PCDH15: variants seen among roughly 807,000 people sequenced by gnomAD.
PCDH15 encodes protocadherin related 15, also known as protocadherin-15.
Under a neutral mutation model 178.5 loss-of-function variants are expected in PCDH15, and 129 were observed. The ratio of observed to expected loss-of-function variants is 0.72; its 90% confidence interval spans 0.63 to 0.84. PCDH15 has a LOEUF of 0.84. PCDH15 is among the 40% of genes least tolerant of loss of function. The probability of loss-of-function intolerance (pLI) is 0.00; values close to 1 mark genes in which losing one functional copy is unlikely to be tolerated. For synonymous variants in PCDH15, 800 were observed against 732.0 expected, an observed-to-expected ratio of 1.09 and a Z score of -1.50; for missense variants, 2,230 against 2,099.9, an observed-to-expected ratio of 1.06 and a Z score of -1.21.
chr10:55,116,734 T>C (rs1050832958), intron 2 of PCDH15, among the ~76,000 whole-genome samples: 2 of 152,102 alleles, frequency 1.3e-5, no homozygotes, highest in Non-Finnish European at 2.9e-5. Context: ...ACGTGGGCAT[T>C]TGAAGAAACA....
chr10:54,708,902 G>GA (rs1300903282), intron 1 of PCDH15, among the ~76,000 whole-genome samples: 1 of 151,664 alleles, frequency 6.6e-6, no homozygotes, highest in Non-Finnish European at 1.5e-5. Context: ...AATGATCTCT[G>GA]AAAAAAAGGA....
At chr10:54,539,615 C>T (rs1030388994) in intron 2 of PCDH15, among the ~76,000 whole-genome samples, 1 of 152,194 alleles carries the variant, frequency 6.6e-6, no homozygotes, top group African/African-American at 2.4e-5. Context: ...AAATTTGACA[C>T]TTGACAAATT....
At chr10:54,929,808 A>G (rs74904816) in intron 2 of PCDH15, among the ~76,000 whole-genome samples, 6 of 152,344 alleles carry the variant, frequency 3.9e-5, no homozygotes, top group South Asian at 2.1e-4. Flanking sequence ...AGGAATTCAC[A>G]GTTCTCAACA....
chr10:54,008,430 A>G (rs534614696), intron 20 of PCDH15, among the ~76,000 whole-genome samples: 3 of 152,270 alleles, frequency 2.0e-5, no homozygotes, highest in Non-Finnish European at 4.4e-5. Context: ...CAACATTAAG[A>G]ACTTTTTTAA....
chr10:55,569,242 A>G (rs1345391731), intron 2 of PCDH15, among the ~76,000 whole-genome samples: 1 of 152,086 alleles, frequency 6.6e-6, no homozygotes, highest in Non-Finnish European at 1.5e-5. Flanking sequence ...CCATGAAGAT[A>G]TTAAAATTAC....
chr10:55,183,694 G>A (rs1331556525), intron 1 of PCDH15, among the ~76,000 whole-genome samples: 1 of 149,420 alleles, frequency 6.7e-6, no homozygotes, highest in Non-Finnish European at 1.5e-5. Context: ...TTTTCTAATT[G>A]AAAAAGAATG....
intron 2 of PCDH15, chr10:54,600,436 G>T: frequency 1.7e-6 from 1 of 578,676 alleles, no homozygotes; most frequent in Non-Finnish European, 3.4e-6. Flanking sequence ...CAATGACCTA[G>T]ACTTAAGCCC....
intron 1 of PCDH15, among the ~76,000 whole-genome samples, chr10:54,786,649 G>C (rs1200549853): frequency 6.6e-6 from 1 of 151,902 alleles, no homozygotes; most frequent in Non-Finnish European, 1.5e-5. Flanking sequence ...TATTAAAGCA[G>C]AATTTTAAAT....
intron 1 of PCDH15, among the ~76,000 whole-genome samples, chr10:55,305,135 A>G (rs1443960945): frequency 2.0e-5 from 3 of 152,200 alleles, no homozygotes; most frequent in Admixed American, 2.0e-4. Context: ...ATTCTGATCT[A>G]TCTATCCCTT....
At chr10:54,517,387 CA>C (rs1283869440) in intron 3 of PCDH15, among the ~76,000 whole-genome samples, 2 of 150,910 alleles carry the variant, frequency 1.3e-5, no homozygotes, top group Non-Finnish European at 3.0e-5. Context: ...AAAAGGAAAA[CA>C]AAAAACGGCA....
chr10:54,228,123 C>A (rs564848357), intron 9 of PCDH15, among the ~76,000 whole-genome samples: 73 of 152,116 alleles, frequency 4.8e-4, no homozygotes, highest in Admixed American at 2.2e-3. Flanking sequence ...AGCAACACCC[C>A]ACTCCTGTTA....
At chr10:55,134,470 C>A (rs1291970830) in intron 2 of PCDH15, among the ~76,000 whole-genome samples, 1 of 152,146 alleles carries the variant, frequency 6.6e-6, no homozygotes, top group Non-Finnish European at 1.5e-5. Context: ...CTGGTGATAT[C>A]TGTTATGGCT....
intron 1 of PCDH15, among the ~76,000 whole-genome samples, chr10:55,242,330 T>C (rs1427862411): frequency 6.6e-6 from 1 of 152,100 alleles, no homozygotes; most frequent in Non-Finnish European, 1.5e-5. Context: ...CCAACTATAA[T>C]ACTGTGTGTA....
intron 7 of PCDH15, among the ~76,000 whole-genome samples, chr10:54,319,088 G>A (rs1223016354): frequency 6.6e-6 from 1 of 152,134 alleles, no homozygotes; most frequent in Non-Finnish European, 1.5e-5. Context: ...TGTCAAGGGT[G>A]GTGGTGGTAG....
intron 2 of PCDH15, among the ~76,000 whole-genome samples, chr10:55,080,743 C>T (rs1232049080): frequency 6.6e-6 from 1 of 152,100 alleles, no homozygotes; most frequent in Non-Finnish European, 1.5e-5. Flanking sequence ...CTGGCAGCAT[C>T]AACAGCATTA....
At chr10:54,018,508 G>T (rs2092812696) in intron 20 of PCDH15, among the ~76,000 whole-genome samples, 1 of 152,018 alleles carries the variant, frequency 6.6e-6, no homozygotes, top group African/African-American at 2.4e-5. Flanking sequence ...AGGCATTCAT[G>T]GGAACAAAAT....
chr10:54,521,200 C>G (rs901778249), intron 3 of PCDH15, among the ~76,000 whole-genome samples: 1 of 152,066 alleles, frequency 6.6e-6, no homozygotes, highest in Non-Finnish European at 1.5e-5. Flanking sequence ...TACCCTAAAA[C>G]TTAAAGCATA....
chr10:55,152,951 T>C (rs935168964), intron 2 of PCDH15, among the ~76,000 whole-genome samples: 11 of 151,816 alleles, frequency 7.2e-5, no homozygotes, highest in Admixed American at 2.0e-4. Context: ...CTCACCACCA[T>C]GAATTTTTTT....
At chr10:54,050,904 T>C (rs1359473569) in intron 18 of PCDH15, among the ~76,000 whole-genome samples, 1 of 152,136 alleles carries the variant, frequency 6.6e-6, no homozygotes. Flanking sequence ...TGGGAGCAGT[T>C]ACTTCTATAC....
Sources: gnomAD v4.1 joint callset for allele counts (sites outside exome capture counted in the v4.1 genomes callset) on GRCh38, gnomAD v4.1.1 for gene constraint, MANE v1.5 for transcripts, NCBI Gene and HGNC (gene_info 2026-07-23, HGNC 2026-07-21) for gene names.